Variants in ZNF565 observed in about 807,000 individuals in gnomAD.
ZNF565 encodes the protein zinc finger protein 565.
In ZNF565, 27 loss-of-function variants were observed where a neutral mutation model predicts 39.4. The observed-to-expected ratio is 0.69, with a 90% CI of 0.51 to 0.95. ZNF565 has a LOEUF of 0.95. Among genes scored for constraint, ZNF565 ranks in the 40% least tolerant of loss-of-function variants. The pLI is 0.00. For missense variants in ZNF565, 524 were observed against 621.1 expected (o/e 0.84, Z 1.66); for synonymous variants, 185 against 216.6 (o/e 0.85, Z 1.28).
intron 1 of ZNF565, among the ~76,000 whole-genome samples, chr19:36,239,233 T>G (rs1333052819): frequency 6.6e-6 from 1 of 152,172 alleles, no homozygotes; most frequent in Non-Finnish European, 1.5e-5. Flanking sequence ...ATAATTGGTC[T>G]TTTTCAGTTA....
chr19:36,189,809 TA>T (rs1444380839), intron 4 of ZNF565, among the ~76,000 whole-genome samples: 1 of 152,120 alleles, frequency 6.6e-6, no homozygotes, highest in Non-Finnish European at 1.5e-5. Flanking sequence ...GTCGTACCCA[TA>T]AAGTTGTTTT....
chr19:36,223,371 T>C (rs1222973885), intron 1 of ZNF565, among the ~76,000 whole-genome samples: 1 of 152,102 alleles, frequency 6.6e-6, no homozygotes, highest in Non-Finnish European at 1.5e-5. Context: ...AGTTACATTT[T>C]TTTCTTTTTG....
At chr19:36,244,309 CGGGAGGCCGA>C (rs1977844425) in intron 1 of ZNF565, among the ~76,000 whole-genome samples, 1 of 152,128 alleles carries the variant, frequency 6.6e-6, no homozygotes, top group African/African-American at 2.4e-5. Flanking sequence ...CCTGTAATCC[CGGGAGGCCGA>C]GGCGAGCGAA....
intron 4 of ZNF565, among the ~76,000 whole-genome samples, chr19:36,186,606 G>A (rs1975309359): frequency 6.6e-6 from 1 of 151,888 alleles, no homozygotes; most frequent in African/African-American, 2.4e-5. Flanking sequence ...TGGGCAACAT[G>A]GTGCAACCCC....
At position 36,183,489 on chromosome 19, in the gene ZNF565, G is replaced by C; in HGVS notation, c.477C>G (p.Ser159Arg). Residue 159 changes from serine (S) to arginine (R), a missense_variant, in exon 5 of 5, where the codon AGC (serine) becomes AGG (arginine). By Grantham distance (110) the Ser-to-Arg change is moderately radical (BLOSUM62 -1). Coordinates refer to ENST00000304116, the MANE Select transcript of ZNF565 (RefSeq NM_152477.5). ...QHHTSHTVRQ[S>R]RETGEKLMEC... ...CCATCAGTTTCTCACCAGTCTCCCT[G>C]CTCTGACGTACAGTGTGAGACGTGT... The C allele has an allele frequency of 1.2e-6, 2 of 1,614,220 alleles. No homozygotes were observed. The highest frequency in any genetic ancestry group is 1.7e-6 in the Non-Finnish European group (2 of 1,180,042).
intron 1 of ZNF565, chr19:36,236,863 C>G: frequency 1.2e-6 from 2 of 1,613,976 alleles, no homozygotes; most frequent in Non-Finnish European, 8.5e-7. Flanking sequence ...GTGGCAAATC[C>G]AACCTTACTG....
intron 1 of ZNF565, among the ~76,000 whole-genome samples, chr19:36,223,872 A>G (rs1161421571): frequency 1.3e-5 from 2 of 151,994 alleles, no homozygotes; most frequent in Non-Finnish European, 2.9e-5. Context: ...TTGTAGAGAT[A>G]AGATCTCCCT....
At chr19:36,241,777 G>C (rs1211760970) in intron 1 of ZNF565, among the ~76,000 whole-genome samples, 1 of 98,492 alleles carries the variant, frequency 1.0e-5, no homozygotes, top group Non-Finnish European at 2.0e-5. Context: ...GGCAAGAAGA[G>C]TGTCAAAAAA....
At chr19:36,236,350 T>C (rs1977643328) in intron 1 of ZNF565, 1 of 1,441,856 alleles carries the variant, frequency 6.9e-7, no homozygotes, top group African/African-American at 1.4e-5. Context: ...GTAAGAGATG[T>C]GGAAATATCT....
chr19:36,236,674 A>C (rs1367917215), intron 1 of ZNF565: 1 of 1,614,222 alleles, frequency 6.2e-7, no homozygotes. Flanking sequence ...ATGAATGTGG[A>C]AAATCATTTA....
At chr19:36,217,219 C>G (rs1184095441), upstream of ZNF565, among the ~76,000 whole-genome samples, 1 of 151,594 alleles carries the variant, frequency 6.6e-6, no homozygotes, top group Non-Finnish European at 1.5e-5. Context: ...TGCCACCACA[C>G]CCGGCTACTT....
intron 2 of ZNF565, 38 bp downstream of exon 2, chr19:36,201,939 G>C (rs765130245): frequency 6.2e-7 from 1 of 1,611,488 alleles, no homozygotes; most frequent in South Asian, 1.1e-5. Flanking sequence ...CTGGCGGGAA[G>C]ACAGATCATT....
At chr19:36,223,752 GT>G (rs1278341244) in intron 1 of ZNF565, among the ~76,000 whole-genome samples, 2 of 151,570 alleles carry the variant, frequency 1.3e-5, no homozygotes, top group Non-Finnish European at 2.9e-5. Context: ...GTTTTTTGTT[GT>G]TTGATTGTTT....
intron 1 of ZNF565, chr19:36,237,004 A>G (rs764390693): frequency 4.3e-6 from 7 of 1,614,196 alleles, no homozygotes; most frequent in South Asian, 1.1e-5. Flanking sequence ...AATGTAACGA[A>G]TGTGGAAAAG....
rs1975689541 is a variant in ZNF565 at position 36,194,584 on chromosome 19, G to T, written c.137-256C>A. ...AATGAAGAAACCAGAAATTCCAGAA[G>T]GGTAGTCCTGAATTATGTGGAGTAA... On this transcript the variant is annotated intron_variant, in intron 3 of 4. Transcript: ENST00000304116. 8.4e-6 allele frequency: 4 copies of T among 477,568 alleles called. No homozygotes were observed. In the Admixed American group the frequency reaches 1.0e-4, roughly 12 times the overall value. The allele number at this position is 477,568 out of a possible 1,614,324, so 29.6% of individuals were successfully genotyped here.
chr19:36,224,341 C>T (rs1976985210), intron 1 of ZNF565, among the ~76,000 whole-genome samples: 1 of 152,176 alleles, frequency 6.6e-6, no homozygotes, highest in African/African-American at 2.4e-5. Context: ...GAGATTGTGC[C>T]ACTGCACTGC....
rs768603825 is a variant in ZNF565 at position 36,191,314 on chromosome 19, C to CT, written c.232+2918dup. 2.3e-3 allele frequency among the ~76,000 whole-genome samples: 289 copies of CT among 125,018 alleles called. 1 individual carries two copies. The highest frequency in any genetic ancestry group is 7.5e-3 in the East Asian group (32 of 4,282). The allele number at this position is 125,018 out of a possible 152,430, so 82.0% of individuals were successfully genotyped here. A position where few individuals can be genotyped will look rare whatever the true frequency, so the allele number is the denominator to read the frequency against. On this transcript the variant is annotated intron_variant, in intron 4 of 4. Transcript: ENST00000304116. ...GATCGATTTCCTACCATTTTTCTTTCTTTTTTTTTTTTTTTTTTCCCGAGA... is the reference window on the plus strand; with the variant it reads ...GATCGATTTCCTACCATTTTTCTTTCTTTTTTTTTTTTTTTTTTTCCCGAGA...
intron 1 of ZNF565, chr19:36,237,085 T>C (rs755275819): frequency 3.1e-6 from 5 of 1,614,024 alleles, no homozygotes; most frequent in African/African-American, 1.3e-5. Flanking sequence ...ACGAATGCAA[T>C]GTTTGTGGAA....
chr19:36,202,114 C>A, intron 1 of ZNF565, 64 bp from the exon 2 acceptor site: 2 of 856,322 alleles, frequency 2.3e-6, no homozygotes, highest in Admixed American at 3.6e-5. Context: ...CTCAGCACTC[C>A]CAAATAGATG....
Sources: gnomAD v4.1 joint callset for allele counts (sites outside exome capture counted in the v4.1 genomes callset) on GRCh38, gnomAD v4.1.1 for gene constraint, MANE v1.5 for transcripts, NCBI Gene and HGNC (gene_info 2026-07-23, HGNC 2026-07-21) for gene names.